Variants in LGSN observed in about 807,000 individuals in gnomAD.
The protein encoded by LGSN is lengsin, lens protein with glutamine synthetase domain, also known as lengsin.
A neutral mutation model predicts 19.5 loss-of-function variants in LGSN; 21 were observed. The ratio of observed to expected loss-of-function variants is 1.07; its 90% CI spans 0.76 to 1.55. LGSN has a LOEUF of 1.55. LGSN is among the 40% of genes most tolerant of loss of function. LGSN has a pLI of 0.00. For missense variants in LGSN, 673 were observed against 608.5 expected, an observed-to-expected ratio of 1.11 and a Z score of -1.12; for synonymous variants, 257 against 215.6, an observed-to-expected ratio of 1.19 and a Z score of -1.68.
chr6:63,507,865 T>A, the LGSN span, among the ~76,000 whole-genome samples: 1 of 152,228 alleles, frequency 6.6e-6, no homozygotes. Context: ...TTGTATAACA[T>A]GTTATCTTCA....
the LGSN span, among the ~76,000 whole-genome samples, chr6:63,510,695 A>C: frequency 8.2e-6 from 1 of 122,454 alleles, no homozygotes; most frequent in Non-Finnish European, 1.6e-5. Context: ...TTTTGTTGAG[A>C]CAGAGTCTCG....
At chr6:63,379,861 G>A in the LGSN span, among the ~76,000 whole-genome samples, 2 of 151,676 alleles carry the variant, frequency 1.3e-5, no homozygotes, top group East Asian at 3.9e-4. Flanking sequence ...TTTTGCGATG[G>A]AGTCTTGGTC....
chr6:63,363,440 T>C, the LGSN span, among the ~76,000 whole-genome samples: 43 of 152,210 alleles, frequency 2.8e-4, no homozygotes, highest in Non-Finnish European at 5.4e-4. Flanking sequence ...GCAAAGAAGA[T>C]AAAAACCTTG....
the LGSN span, among the ~76,000 whole-genome samples, chr6:63,534,386 A>G: frequency 2.6e-5 from 4 of 152,140 alleles, no homozygotes; most frequent in East Asian, 7.7e-4. Context: ...CAGAACTAGT[A>G]AACCTGATAC....
the LGSN span, among the ~76,000 whole-genome samples, chr6:63,327,278 C>A: frequency 6.6e-6 from 1 of 152,088 alleles, no homozygotes; most frequent in African/African-American, 2.4e-5. Context: ...ACAAATTTGA[C>A]AAGAAGGTTA....
At chr6:63,504,120 C>T in the LGSN span, among the ~76,000 whole-genome samples, 3 of 152,030 alleles carry the variant, frequency 2.0e-5, no homozygotes, top group Admixed American at 6.6e-5. Context: ...CACCTATTTT[C>T]AACCCATATT....
chr6:63,490,589 A>T, the LGSN span, among the ~76,000 whole-genome samples: 2 of 151,816 alleles, frequency 1.3e-5, no homozygotes, highest in African/African-American at 2.4e-5. Context: ...TATTATTATT[A>T]TTTTTGAGAC....
chr6:63,411,339 T>C, the LGSN span, among the ~76,000 whole-genome samples: 1 of 152,152 alleles, frequency 6.6e-6, no homozygotes. Context: ...AAGGAGAAAG[T>C]AGGCAAGGGC....
chr6:63,530,904 A>G, the LGSN span, among the ~76,000 whole-genome samples: 1 of 152,208 alleles, frequency 6.6e-6, no homozygotes, highest in South Asian at 2.1e-4. Flanking sequence ...AGATGTAATG[A>G]TTAGAATGGT....
At chr6:63,310,297 A>G in intron 1 of LGSN, among the ~76,000 whole-genome samples, 1 of 152,202 alleles carries the variant, frequency 6.6e-6, no homozygotes, top group Non-Finnish European at 1.5e-5. Context: ...AAGGGCTACA[A>G]AAGGTGACCT....
At chr6:63,395,927 G>C in the LGSN span, 1 of 154,484 alleles carries the variant, frequency 6.5e-6, no homozygotes, top group Non-Finnish European at 1.5e-5. Flanking sequence ...TCTGTGAGAG[G>C]AGAGTGTTCG....
At chr6:63,345,210 T>A in the LGSN span, among the ~76,000 whole-genome samples, 7 of 152,234 alleles carry the variant, frequency 4.6e-5, no homozygotes, top group South Asian at 1.2e-3. Context: ...CAGAAATATA[T>A]GTTTTGGGTT....
At chr6:63,408,500 C>A in the LGSN span, among the ~76,000 whole-genome samples, 1 of 145,438 alleles carries the variant, frequency 6.9e-6, no homozygotes, top group South Asian at 2.2e-4. Context: ...AAACTGGATC[C>A]CTTCCTTACA....
chr6:63,559,522 G>A, the LGSN span, among the ~76,000 whole-genome samples: 57 of 152,068 alleles, frequency 3.7e-4, no homozygotes, highest in African/African-American at 8.4e-4. Flanking sequence ...CGAGGTGGGC[G>A]GATCATGAGG....
the LGSN span, among the ~76,000 whole-genome samples, chr6:63,495,425 A>T: frequency 1.4e-5 from 2 of 146,574 alleles, no homozygotes; most frequent in South Asian, 2.2e-4. Context: ...CTTCTCAAAG[A>T]TACTTAAATC....
chr6:63,515,217 TTTTGTTTG>T, the LGSN span, among the ~76,000 whole-genome samples: 80,178 of 150,568 alleles, frequency 0.53, 23,087 homozygotes, highest in African/African-American at 0.77. Flanking sequence ...TAAAAAGTTT[TTTTGTTTG>T]TTTGTTTGTT....
intron 2 of LGSN, among the ~76,000 whole-genome samples, chr6:63,291,559 T>G (rs1360314120): frequency 6.6e-6 from 1 of 152,206 alleles, no homozygotes; most frequent in Non-Finnish European, 1.5e-5. Flanking sequence ...TCTGTTCTCC[T>G]GCTCTGTCAG....
At chr6:63,481,866 G>A in the LGSN span, 5 of 246,446 alleles carry the variant, frequency 2.0e-5, no homozygotes, top group Admixed American at 4.0e-5. Context: ...ATGTGGCTGC[G>A]TTCAACAAGA....
the LGSN span, among the ~76,000 whole-genome samples, chr6:63,335,242 C>G: frequency 2.6e-5 from 4 of 151,626 alleles, no homozygotes; most frequent in African/African-American, 9.7e-5. Flanking sequence ...GAGACTAGAC[C>G]CCTATCTCTC....
Sources: gnomAD v4.1 joint callset for allele counts (sites outside exome capture counted in the v4.1 genomes callset) on GRCh38, gnomAD v4.1.1 for gene constraint, MANE v1.5 for transcripts, NCBI Gene and HGNC (gene_info 2026-07-23, HGNC 2026-07-21) for gene names.